SUFU: variants seen among roughly 807,000 people sequenced by gnomAD.
SUFU encodes the protein suppressor of fused homolog.
SUFU carries 7 observed loss-of-function variants against 58.9 expected under a neutral mutation model. The ratio of observed to expected loss-of-function variants is 0.12; its 90% CI spans 0.07 to 0.22. SUFU has a LOEUF of 0.22. Among genes scored for constraint, SUFU ranks in the 10% least tolerant of loss-of-function variants. The pLI is 1.00. For synonymous variants in SUFU, 232 were observed against 254.8 expected, an observed-to-expected ratio of 0.91 and a Z score of 0.85; for missense variants, 451 against 641.3, an observed-to-expected ratio of 0.70 and a Z score of 3.20.
chr10:102,594,152 G>T, intron 6 of SUFU, 87 bp downstream of exon 6: 1 of 1,340,882 alleles, frequency 7.5e-7, no homozygotes, highest in South Asian at 1.2e-5. Flanking sequence ...GGAAAACAGA[G>T]GACCTTTATG....
chr10:102,602,177 C>T (rs1224130248), intron 8 of SUFU, among the ~76,000 whole-genome samples: 3 of 152,090 alleles, frequency 2.0e-5, no homozygotes, highest in African/African-American at 7.2e-5. Context: ...ATCCTGTGGT[C>T]GATAATCTTA....
rs574853244 is a variant in SUFU at position 102,594,870 on chromosome 10, C to G, written c.756+805C>G. On this transcript the variant is annotated intron_variant, in intron 6 of 11. Coordinates refer to ENST00000369902, the MANE Select transcript of SUFU (RefSeq NM_016169.4). ...AGTAGCTGAGATTACAGGCGCCCAC[C>G]ACCACGCCCAGATAATTTTTTGTAT... Among the ~76,000 whole-genome samples, 39 of 149,888 alleles carry G rather than the reference C, an allele frequency of 2.6e-4. No homozygotes were observed. The East Asian group carries it at 7.5e-3, about 29-fold the overall frequency.
Position 102,627,187 on chromosome 10 carries a change from G to A in SUFU, c.1309G>A (p.Glu437Lys), listed in dbSNP as rs766370528. Reference protein sequence around the residue: ...HGPWLQILLTEEFVEKMLEDL... With the variant: ...HGPWLQILLTKEFVEKMLEDL... ...TGTGCCTTCACAGATTCTGTTGACC[G>A]AAGAGTTTGTAGAGAAAATGTTGGA... Residue 437 changes from glutamate to lysine, a missense_variant, in exon 11 of 12, where the codon GAA (glutamate) becomes AAA (lysine). Coordinates refer to ENST00000369902, the MANE Select transcript of SUFU (RefSeq NM_016169.4). 14 of 1,614,106 alleles carry A rather than the reference G, an allele frequency of 8.7e-6. No homozygotes were observed. The highest frequency in any genetic ancestry group is 6.7e-5 in the Admixed American group (4 of 60,012).
At chr10:102,549,458 G>A (rs1281874636) in intron 2 of SUFU, among the ~76,000 whole-genome samples, 3 of 152,180 alleles carry the variant, frequency 2.0e-5, no homozygotes, top group Non-Finnish European at 2.9e-5. Context: ...TCTCCCACCT[G>A]GTTCCTCCCT....
At chr10:102,549,818 C>T (rs2062892796) in intron 2 of SUFU, 152 bp from the exon 3 acceptor site, 1 of 964,810 alleles carries the variant, frequency 1.0e-6, no homozygotes, top group Admixed American at 2.3e-5. Context: ...TCTCAGGTTC[C>T]CTCCCCACAA....
chr10:102,558,525 T>C (rs2063004335), intron 3 of SUFU, among the ~76,000 whole-genome samples: 1 of 152,206 alleles, frequency 6.6e-6, no homozygotes, highest in African/African-American at 2.4e-5. Flanking sequence ...CTTTAAACTT[T>C]GGACATTTCT....
In SUFU at chr10:102,522,512, C is replaced by G. The variant is rs185752173; in HGVS notation, c.317+13209C>G. 8.5e-5 allele frequency among the ~76,000 whole-genome samples: 13 copies of G among 152,274 alleles called. No homozygotes were observed. In the East Asian group the frequency reaches 2.5e-3, roughly 29 times the overall value. On this transcript the variant is annotated intron_variant, in intron 2 of 11. Coordinates refer to ENST00000369902, the MANE Select transcript of SUFU (RefSeq NM_016169.4). ...TACAGAGTGCCCCAGGGTCCTTGTA[C>G]TCGAGGGACACAGAAGGTTCACAGG... is the stretch of plus-strand genomic sequence containing the variant.
At chr10:102,627,067 T>C in intron 10 of SUFU, 108 bp from the exon 11 acceptor site, 1 of 1,209,090 alleles carries the variant, frequency 8.3e-7, no homozygotes, top group Non-Finnish European at 1.2e-6. Flanking sequence ...CAGATCACAG[T>C]GAGCTCATCT....
chr10:102,588,162 C>T (rs892943173), intron 3 of SUFU, among the ~76,000 whole-genome samples: 19 of 151,998 alleles, frequency 1.3e-4, no homozygotes, highest in Admixed American at 8.5e-4. Flanking sequence ...TTTGGGAGGC[C>T]GAGGCACGCG....
chr10:102,503,994 TG>T lies in SUFU; in HGVS notation c.-156del. ...GGCAGACTCGGCGGCGGCGACAGCC[TG>T]GGCGGACAGTGCGCCGTGCGCAGGC... is the stretch of plus-strand genomic sequence containing the variant. On this transcript the variant is annotated 5_prime_UTR_variant, in exon 1 of 12. Coordinates refer to ENST00000369902, the MANE Select transcript of SUFU (RefSeq NM_016169.4). 2 of 1,088,048 alleles carry T rather than the reference TG, an allele frequency of 1.8e-6. No homozygotes were observed. The highest frequency in any genetic ancestry group is 2.5e-6 in the Non-Finnish European group (2 of 815,228). The allele number at this position is 1,088,048 out of a possible 1,614,324, so 67.4% of individuals were successfully genotyped here. A position where few individuals can be genotyped will look rare whatever the true frequency, so the allele number is the denominator to read the frequency against.
chr10:102,579,823 A>T, intron 3 of SUFU: 3 of 985,434 alleles, frequency 3.0e-6, no homozygotes, highest in Non-Finnish European at 3.6e-6. Flanking sequence ...GAACTTTTCA[A>T]GTGATAAAAC....
rs2281879 is a variant in SUFU at position 102,509,120 on chromosome 10, G to T, written c.183-49G>T. ...AAGTAGAGCGCCTTAGCTTGACATTGTCTGATTTCCAGGCTTACACTAACA... is the reference window on the plus strand; with the variant it reads ...AAGTAGAGCGCCTTAGCTTGACATTTTCTGATTTCCAGGCTTACACTAACA... On this transcript the variant is annotated intron_variant, in intron 1 of 11. Coordinates refer to ENST00000369902, the MANE Select transcript of SUFU (RefSeq NM_016169.4). 33 of 1,612,158 alleles carry T rather than the reference G, an allele frequency of 2.0e-5. No individual in the cohort carries two copies. The highest frequency in any genetic ancestry group is 8.9e-5 in the East Asian group (4 of 44,874).
At chr10:102,585,096 C>T (rs1349825563) in intron 3 of SUFU, among the ~76,000 whole-genome samples, 1 of 152,194 alleles carries the variant, frequency 6.6e-6, no homozygotes, top group Non-Finnish European at 1.5e-5. Flanking sequence ...TTTGCCTGTG[C>T]CTCAAGATTC....
intron 2 of SUFU, among the ~76,000 whole-genome samples, chr10:102,536,386 A>G (rs557233857): frequency 4.4e-5 from 6 of 135,552 alleles, no homozygotes; most frequent in Non-Finnish European, 7.8e-5. Flanking sequence ...TTTTTTTGAG[A>G]CAGAACCTCA....
rs2063822749 is a variant in SUFU at position 102,629,946 on chromosome 10, G to A, written c.1366-120G>A. 7.6e-6 allele frequency: 7 copies of A among 916,120 alleles called. No homozygotes were observed. The highest frequency in any genetic ancestry group is 1.7e-5 in the Admixed American group (1 of 59,016). 56.7% of individuals were successfully genotyped at this position (916,120 alleles called of 1,614,324 possible). A position where few individuals can be genotyped will look rare whatever the true frequency, so the allele number is the denominator to read the frequency against. On this transcript the variant is annotated intron_variant, in intron 11 of 11. Coordinates refer to ENST00000369902, the MANE Select transcript of SUFU (RefSeq NM_016169.4). This position sits in a 1 kb window ranked among gnomAD's most constrained non-coding sequence, Gnocchi z 4.7. ...GTCTAGCATTTGAGAATGAAGCCACGCCTCCCGCGGCCTGTCCTATCCCTA... is the reference window on the plus strand; with the variant it reads ...GTCTAGCATTTGAGAATGAAGCCACACCTCCCGCGGCCTGTCCTATCCCTA...
At chr10:102,599,200 G>A (rs563752838) in intron 7 of SUFU, among the ~76,000 whole-genome samples, 12 of 152,270 alleles carry the variant, frequency 7.9e-5, no homozygotes, top group South Asian at 4.1e-4. Flanking sequence ...TCTAGAGGCT[G>A]CCCCTGGCTT....
At chr10:102,615,465 A>C (rs2063676476) in intron 9 of SUFU, 63 bp downstream of exon 9, 2 of 1,611,834 alleles carry the variant, frequency 1.2e-6, no homozygotes, top group Middle Eastern at 1.7e-4. Flanking sequence ...TCCAGGGGGC[A>C]CTTCAGAGCC....
chr10:102,520,540 T>C (rs2062539647), intron 2 of SUFU, among the ~76,000 whole-genome samples: 1 of 152,154 alleles, frequency 6.6e-6, no homozygotes, highest in Admixed American at 6.6e-5. Flanking sequence ...TTTTGACAAA[T>C]GCATGTCATG....
chr10:102,534,413 C>T (rs1035763736), intron 2 of SUFU, among the ~76,000 whole-genome samples: 1 of 152,040 alleles, frequency 6.6e-6, no homozygotes, highest in Admixed American at 6.6e-5. Context: ...GGCTACAGAG[C>T]GAGACTCTGT....
Sources: gnomAD v4.1 joint callset for allele counts (sites outside exome capture counted in the v4.1 genomes callset) on GRCh38, gnomAD v4.1.1 for gene constraint, Gnocchi (gnomAD v3.1) non-coding constraint, MANE v1.5 for transcripts, NCBI Gene and HGNC (gene_info 2026-07-23, HGNC 2026-07-21) for gene names.